The following CAMTA1 variants were observed in gnomAD, a reference collection of about 807,000 sequenced individuals.
The protein encoded by CAMTA1 is calmodulin binding transcription activator 1.
A neutral mutation model predicts 170.9 loss-of-function variants in CAMTA1; 27 were observed. The observed-to-expected ratio is 0.16, with a 90% CI of 0.12 to 0.22. CAMTA1 has a LOEUF of 0.22. Ranked by LOEUF, CAMTA1 falls within the 10% of genes least tolerant of loss-of-function variation. The probability of loss-of-function intolerance (pLI) is 1.00; values close to 1 mark genes in which losing one functional copy is unlikely to be tolerated. For missense variants in CAMTA1, 1,619 were observed against 2,217.2 expected (o/e 0.73, Z 5.42); for synonymous variants, 833 against 891.5 (o/e 0.93, Z 1.17).
At chr1:7,493,232 C>T (rs1278094409) in intron 6 of CAMTA1, among the ~76,000 whole-genome samples, 1 of 150,712 alleles carries the variant, frequency 6.6e-6, no homozygotes, top group African/African-American at 2.4e-5. Context: ...CACACACAAA[C>T]GTACAATCAC....
At chr1:7,119,414 C>T (rs1644516463) in intron 4 of CAMTA1, among the ~76,000 whole-genome samples, 1 of 152,154 alleles carries the variant, frequency 6.6e-6, no homozygotes, top group African/African-American at 2.4e-5. Flanking sequence ...TACCCCTCCT[C>T]TTGCCGAAAC....
At chr1:7,164,546 C>G (rs531617431) in intron 4 of CAMTA1, among the ~76,000 whole-genome samples, 1 of 152,332 alleles carries the variant, frequency 6.6e-6, no homozygotes, top group South Asian at 2.1e-4. Flanking sequence ...CAGCCAGTGT[C>G]TTGGGGTCTA....
At chr1:6,921,644 TCA>T (rs1462929912) in intron 3 of CAMTA1, among the ~76,000 whole-genome samples, 2 of 152,178 alleles carry the variant, frequency 1.3e-5, no homozygotes, top group African/African-American at 2.4e-5. Flanking sequence ...TTAATTGGAC[TCA>T]CAGTTCCATG....
At chr1:7,542,879 G>GTGTGTGTGTGTT (rs1459264062) in intron 6 of CAMTA1, among the ~76,000 whole-genome samples, 7,777 of 138,122 alleles carry the variant, frequency 0.056, 357 homozygotes, top group Non-Finnish European at 0.075. Context: ...GTGTGTGTGT[G>GTGTGTGTGTGTT]TTTGAGCCGG....
Position 7,579,552 on chromosome 1 carries a change from CTTTTT to C in CAMTA1, c.511-60827_511-60823del, listed in dbSNP as rs3034816. On this transcript the variant is annotated intron_variant, in intron 6 of 22. Coordinates refer to ENST00000303635, the MANE Select transcript of CAMTA1 (RefSeq NM_015215.4). ...GGTCCACTTTCTTTTCTTTTCTTTTCTTTTTTTTTTTTTTTTTTTTTTTTTGAGAT... is the reference window on the plus strand; with the variant it reads ...GGTCCACTTTCTTTTCTTTTCTTTTCTTTTTTTTTTTTTTTTTTTTGAGAT... 5.5e-3 allele frequency among the ~76,000 whole-genome samples: 437 copies of C among 79,186 alleles called. 4 individuals are homozygous for C. The highest frequency in any genetic ancestry group is 0.025 in the African/African-American group (418 of 16,956). 51.9% of individuals were successfully genotyped at this position (79,186 alleles called of 152,430 possible). A position where few individuals can be genotyped will look rare whatever the true frequency, so the allele number is the denominator to read the frequency against.
At chr1:7,238,181 A>C (rs986734512) in intron 4 of CAMTA1, among the ~76,000 whole-genome samples, 1 of 151,290 alleles carries the variant, frequency 6.6e-6, no homozygotes, top group East Asian at 1.9e-4. Flanking sequence ...TAAAGCAAAA[A>C]CATTTTGCTA....
At chr1:7,191,517 C>T (rs1275070045) in intron 4 of CAMTA1, among the ~76,000 whole-genome samples, 1 of 152,102 alleles carries the variant, frequency 6.6e-6, no homozygotes, top group East Asian at 1.9e-4. Flanking sequence ...CTTTTTTACA[C>T]CTAAATGAAC....
At chr1:6,968,263 G>C (rs1406395984) in intron 3 of CAMTA1, among the ~76,000 whole-genome samples, 1 of 152,192 alleles carries the variant, frequency 6.6e-6, no homozygotes, top group Non-Finnish European at 1.5e-5. Flanking sequence ...AGAGAGCAAG[G>C]CATGTATCGT....
Position 7,736,796 on chromosome 1 carries a change from C to T in CAMTA1, c.3264-135C>T. 1 of 776,342 alleles carries T rather than the reference C, an allele frequency of 1.3e-6. No homozygotes were observed. The highest frequency in any genetic ancestry group is 2.2e-6 in the Non-Finnish European group (1 of 462,086). The allele number at this position is 776,342 out of a possible 1,614,324, so 48.1% of individuals were successfully genotyped here. On this transcript the variant is annotated intron_variant, in intron 13 of 22. Coordinates refer to ENST00000303635, the MANE Select transcript of CAMTA1 (RefSeq NM_015215.4). This position sits in a 1 kb window ranked among gnomAD's most constrained non-coding sequence, Gnocchi z 4.5. ...AGCCAAATGGAGCGTCCACACTGCC[C>T]TGGGACTCTGTTTCTTCACCATGGG...
chr1:7,103,155 C>G (rs1642941693), intron 4 of CAMTA1, among the ~76,000 whole-genome samples: 2 of 151,976 alleles, frequency 1.3e-5, no homozygotes, highest in African/African-American at 4.8e-5. Context: ...TACCCTTGAA[C>G]AGGGTACCTA....
intron 11 of CAMTA1, among the ~76,000 whole-genome samples, chr1:7,697,030 T>C (rs868612403): frequency 2.8e-4 from 42 of 152,168 alleles, no homozygotes; most frequent in African/African-American, 1.9e-4. Context: ...TAAGATTCCG[T>C]TGGAGCACCT....
At chr1:7,560,609 G>A (rs1010374446) in intron 6 of CAMTA1, among the ~76,000 whole-genome samples, 1 of 152,240 alleles carries the variant, frequency 6.6e-6, no homozygotes, top group Non-Finnish European at 1.5e-5. Flanking sequence ...GACAGGCAGG[G>A]CTGGCTGTAC....
chr1:7,049,527 A>G (rs1186597342), intron 3 of CAMTA1, among the ~76,000 whole-genome samples: 1 of 151,998 alleles, frequency 6.6e-6, no homozygotes, highest in Admixed American at 6.6e-5. Flanking sequence ...CACAATCTCT[A>G]CTAACTGCAA....
rs555378237 is a variant in CAMTA1 at position 7,020,328 on chromosome 1, C to T, written c.235-70976C>T. On this transcript the variant is annotated intron_variant, in intron 3 of 22. Transcript: ENST00000303635. ...TATGTTTAGATACACACATACTTACCATGTGTAACAGTTGCCTACAGTATT... is the reference window on the plus strand; with the variant it reads ...TATGTTTAGATACACACATACTTACTATGTGTAACAGTTGCCTACAGTATT... Among the ~76,000 whole-genome samples, 14 of 152,314 alleles carry T rather than the reference C, an allele frequency of 9.2e-5. No individual in the cohort carries two copies. In the South Asian group the frequency reaches 2.5e-3, roughly 27 times the overall value.
chr1:7,743,821 T>C lies in CAMTA1; in HGVS notation c.4183-1014T>C, dbSNP rs2096835836. 1.3e-5 allele frequency among the ~76,000 whole-genome samples: 2 copies of C among 151,576 alleles called. 1 individual carries two copies. Among genetic ancestry groups the C allele is most frequent in the Non-Finnish European group, 2.9e-5 (2 of 67,882 alleles). On this transcript the variant is annotated intron_variant, in intron 16 of 22. Coordinates refer to ENST00000303635, the MANE Select transcript of CAMTA1 (RefSeq NM_015215.4). ...AGACCAGCTTTGAGGATTCTTTTTT[T>C]CTTTTCTTTTCTTTTTTTTTTCTGA...
chr1:7,003,379 C>G (rs1698523301), intron 3 of CAMTA1, among the ~76,000 whole-genome samples: 1 of 152,224 alleles, frequency 6.6e-6, no homozygotes, highest in African/African-American at 2.4e-5. Context: ...TGCTTTGATT[C>G]TGCTCTGTCA....
At chr1:7,341,376 G>A (rs915683335) in intron 5 of CAMTA1, among the ~76,000 whole-genome samples, 1 of 152,244 alleles carries the variant, frequency 6.6e-6, no homozygotes, top group African/African-American at 2.4e-5. Context: ...TGTGCAGCCT[G>A]AGAAGAATGA....
intron 3 of CAMTA1, among the ~76,000 whole-genome samples, chr1:6,903,598 A>G (rs1335007721): frequency 6.6e-6 from 1 of 152,200 alleles, no homozygotes; most frequent in Non-Finnish European, 1.5e-5. Flanking sequence ...GCTCTTGGAC[A>G]TGGCTCAGAG....
intron 6 of CAMTA1, among the ~76,000 whole-genome samples, chr1:7,530,395 C>A (rs1041582769): frequency 6.6e-6 from 1 of 152,158 alleles, no homozygotes; most frequent in Non-Finnish European, 1.5e-5. Context: ...TCTGTTGATT[C>A]GAGGCAGAGC....
Sources: gnomAD v4.1 joint callset for allele counts (sites outside exome capture counted in the v4.1 genomes callset) on GRCh38, gnomAD v4.1.1 for gene constraint, Gnocchi (gnomAD v3.1) non-coding constraint, MANE v1.5 for transcripts, NCBI Gene and HGNC (gene_info 2026-07-23, HGNC 2026-07-21) for gene names.